Variants in GLYAT observed in about 807,000 individuals in gnomAD.
GLYAT encodes glycine-N-acyltransferase.
Under a neutral mutation model 22.8 loss-of-function variants are expected in GLYAT, and 25 were observed. That is an observed-to-expected ratio of 1.09 (90% CI 0.80 to 1.53). The LOEUF (loss-of-function observed/expected upper bound fraction) is 1.53, where lower values mean the gene tolerates loss of function less well. Ranked by LOEUF, GLYAT falls within the 40% of genes most tolerant of loss-of-function variation. The pLI is 0.00. For missense variants in GLYAT, 411 were observed against 353.9 expected (o/e 1.16, Z -1.29); for synonymous variants, 140 against 122.7 (o/e 1.14, Z -0.93).
At chr11:58,724,824 G>A (rs889009660) in intron 1 of GLYAT, among the ~76,000 whole-genome samples, 6 of 152,180 alleles carry the variant, frequency 3.9e-5, no homozygotes, top group East Asian at 1.9e-4. Flanking sequence ...TGACTCCTCT[G>A]AGAACGAGCT....
At position 58,724,415 on chromosome 11, in the gene GLYAT, C is replaced by T. The variant is rs1275470019; in HGVS notation, c.81+1G>A. The T allele has an allele frequency of 3.2e-6, 5 of 1,569,890 alleles. No individual in the cohort carries two copies. In the African/African-American group the frequency reaches 5.4e-5, roughly 17 times the overall value. ...CTCCTCTCAGAATTTTCCATTATCA[C>T]CTTTAAGGATGCTGGGAGGCTCTTC... On this transcript the variant is annotated splice_donor_variant, in intron 2 of 5. Coordinates refer to ENST00000344743, the MANE Select transcript of GLYAT (RefSeq NM_201648.3). LOFTEE classifies it high-confidence loss of function.
Position 58,710,062 on chromosome 11 carries a change from G to A in GLYAT, c.595C>T (p.Arg199Cys), listed in dbSNP as rs138125182. The A allele has an allele frequency of 4.2e-4, 672 of 1,613,916 alleles. 2 individuals carry two copies. Among genetic ancestry groups the A allele is most frequent in the Middle Eastern group, 9.9e-4 (6 of 6,058 alleles). The change falls in exon 6 of 6, where the codon CGC (arginine) becomes TGC (cysteine). Residue 199 changes from arginine (R) to cysteine (C), a missense_variant. Arg to Cys is a radical substitution (Grantham distance 180). Coordinates refer to ENST00000344743, the MANE Select transcript of GLYAT (RefSeq NM_201648.3). ...CAGGTGGGAAAGGTCTGAATGCAGC[G>A]CTCAATGAATCTCTGGCTCCTCTCA... Reference protein sequence around the residue: ...GNERSQRFIERCIQTFPTCCL... With the variant: ...GNERSQRFIECCIQTFPTCCL...
At chr11:58,710,835 G>C in intron 4 of GLYAT, 74 bp from the exon 5 acceptor site, 1 of 889,998 alleles carries the variant, frequency 1.1e-6, no homozygotes, top group Non-Finnish European at 1.9e-6. Flanking sequence ...GGAGTAAGAA[G>C]TGTCTGGGAT....
intron 3 of GLYAT, among the ~76,000 whole-genome samples, chr11:58,713,725 A>T (rs959395951): frequency 1.4e-4 from 21 of 151,402 alleles, no homozygotes; most frequent in Middle Eastern, 3.4e-3. Flanking sequence ...TTATAGAATT[A>T]AAAAACTTTT....
In GLYAT at chr11:58,709,898, T is replaced by A. The variant is rs1856589114; in HGVS notation, c.759A>T (p.Lys253Asn). 6.8e-6 allele frequency: 11 copies of A among 1,614,162 alleles called. No homozygotes were observed. Among genetic ancestry groups the A allele is most frequent in the Non-Finnish European group, 9.3e-6 (11 of 1,179,998 alleles). Residue 253 changes from lysine (K) to asparagine (N), a missense_variant, in exon 6 of 6, where the codon AAA becomes AAT. Coordinates refer to ENST00000344743, the MANE Select transcript of GLYAT (RefSeq NM_201648.3). ...AGACAGGAAACCCAAGTTTGCCCAA[T>A]TTCTGGGCGTGGGAATAGATGACAT... is the stretch of plus-strand genomic sequence containing the variant. ...VTYVIYSHAQ[K>N]LGKLGFPVYS...
chr11:58,721,147 C>A (rs1023812787), intron 2 of GLYAT, among the ~76,000 whole-genome samples: 2 of 151,620 alleles, frequency 1.3e-5, no homozygotes, highest in Non-Finnish European at 2.9e-5. Context: ...TAAAGATCAC[C>A]CCACTTTTTT....
intron 2 of GLYAT, among the ~76,000 whole-genome samples, chr11:58,716,056 T>G (rs1856675768): frequency 6.6e-6 from 1 of 152,180 alleles, no homozygotes; most frequent in Non-Finnish European, 1.5e-5. Context: ...TATAGCCTAT[T>G]GCTCAAGAGA....
At chr11:58,713,519 G>A (rs1856642018) in intron 3 of GLYAT, among the ~76,000 whole-genome samples, 2 of 152,104 alleles carry the variant, frequency 1.3e-5, no homozygotes, top group Non-Finnish European at 2.9e-5. Context: ...GACCATGGCA[G>A]TATGAAACTT....
rs539721170 is a variant in GLYAT, at chr11:58,728,397, C to T, written c.-16+3438G>A. Among the ~76,000 whole-genome samples, 3 of 152,092 alleles carry T rather than the reference C, an allele frequency of 2.0e-5. No homozygotes were observed. The East Asian group carries it at 5.8e-4, about 30-fold the overall frequency. On this transcript the variant is annotated intron_variant, in intron 1 of 5. Transcript: ENST00000344743. ...AAAAACTTTCACTGTGGCTCTAAAA[C>T]TTGCCTTGGTCTGTCCTTCCACCTT...
intron 4 of GLYAT, among the ~76,000 whole-genome samples, chr11:58,712,071 C>T (rs950401684): frequency 6.6e-6 from 1 of 152,206 alleles, no homozygotes; most frequent in African/African-American, 2.4e-5. Flanking sequence ...TCAACTACAG[C>T]TACATGAGTA....
intron 3 of GLYAT, among the ~76,000 whole-genome samples, chr11:58,714,591 G>A (rs1253053836): frequency 6.6e-6 from 1 of 152,136 alleles, no homozygotes; most frequent in Non-Finnish European, 1.5e-5. Flanking sequence ...TAATGAGAGG[G>A]ACCAGATGGA....
At position 58,710,712 on chromosome 11, in the gene GLYAT, C is replaced by A; in HGVS notation, c.366G>T (p.Lys122Asn). ...NEAIQNLAAIKSFKVKQTQRI... is the reference protein window; with the variant it reads ...NEAIQNLAAINSFKVKQTQRI... ...GTTGTGTTTGTTTGACTTTGAAGGA[C>A]TTAATGGCTGCAAGATTTTGTATAG... Residue 122 changes from lysine (K) to asparagine (N), a missense_variant, in exon 5 of 6, where the codon AAG (lysine) becomes AAT (asparagine). By Grantham distance (94) the Lys-to-Asn change is moderately conservative. Coordinates refer to ENST00000344743, the MANE Select transcript of GLYAT (RefSeq NM_201648.3). The A allele has an allele frequency of 6.2e-7, 1 of 1,613,472 alleles. No homozygotes were observed. Among genetic ancestry groups the A allele is most frequent in the Non-Finnish European group, 8.5e-7 (1 of 1,179,476 alleles).
At chr11:58,724,307 T>C (rs1856787811) in intron 2 of GLYAT, 109 bp downstream of exon 2, 2 of 575,790 alleles carry the variant, frequency 3.5e-6, no homozygotes, top group African/African-American at 1.9e-5. Context: ...AGAGAAAACA[T>C]GAAATAGTGC....
At chr11:58,728,947 A>C (rs747617838) in intron 1 of GLYAT, among the ~76,000 whole-genome samples, 1 of 150,206 alleles carries the variant, frequency 6.7e-6, no homozygotes, top group Non-Finnish European at 1.5e-5. Context: ...GGAAGGAAGG[A>C]GAGAATAAAA....
chr11:58,717,134 G>T (rs1856690807), intron 2 of GLYAT, among the ~76,000 whole-genome samples: 2 of 150,456 alleles, frequency 1.3e-5, no homozygotes, highest in East Asian at 2.0e-4. Flanking sequence ...GGGGGCCCAA[G>T]ATATTTTCCT....
chr11:58,710,615 G>T lies in GLYAT; in HGVS notation c.463C>A (p.Pro155Thr). The change falls in exon 5 of 6, where the codon CCC becomes ACC. Residue 155 changes from proline to threonine, a missense_variant. Coordinates refer to ENST00000344743, the MANE Select transcript of GLYAT (RefSeq NM_201648.3). ...PFLLKSKILS[P>T]NGGKPKAINQ... ...ATGGCCTTGGGTTTGCCACCATTGG[G>T]AGATAAAATCTTTGATTTCAGCAGG... 6 of 1,604,542 alleles carry T rather than the reference G, an allele frequency of 3.7e-6. No homozygotes were observed. Among genetic ancestry groups the T allele is most frequent in the Non-Finnish European group, 4.3e-6 (5 of 1,171,172 alleles).
Position 58,711,353 on chromosome 11 carries a change from C to T in GLYAT, c.317-592G>A, listed in dbSNP as rs143208871. Among the ~76,000 whole-genome samples the T allele has an allele frequency of 1.8e-3, 268 of 152,300 alleles. 4 individuals carry two copies. The highest frequency in any genetic ancestry group is 0.014 in the South Asian group (68 of 4,826). The stretch of plus-strand genomic sequence containing the variant: ...CATGTCAGGTTATACATAACCCTGT[C>T]TCCTCTGTTCAGTTCTCATGGCAAA... On this transcript the variant is annotated intron_variant, in intron 4 of 5. Transcript: ENST00000344743.
Position 58,710,147 on chromosome 11 carries a change from G to A in GLYAT, c.510C>T (p.Leu170=), listed in dbSNP as rs1856595339. 1 of 1,613,224 alleles carries A rather than the reference G, an allele frequency of 6.2e-7. No individual in the cohort carries two copies. Among genetic ancestry groups the A allele is most frequent in the African/African-American group, 1.3e-5 (1 of 75,048 alleles). The change falls in exon 6 of 6, where the codon CTC becomes CTT. Residue 170 remains leucine (L), a synonymous_variant. Transcript: ENST00000344743. ...PKAINQEMFK[L]SSMDVTHAHL... ...GAGCATGGGTAACATCCATGGATGA[G>A]AGTTTAAACATCTCTTGGTTGCTAT...
intron 2 of GLYAT, among the ~76,000 whole-genome samples, chr11:58,717,692 T>C (rs543618365): frequency 6.6e-6 from 1 of 152,210 alleles, no homozygotes; most frequent in East Asian, 1.9e-4. Flanking sequence ...ACAACAGGTG[T>C]ACTATAGTCT....
Sources: gnomAD v4.1 joint callset for allele counts (sites outside exome capture counted in the v4.1 genomes callset) on GRCh38, gnomAD v4.1.1 for gene constraint, MANE v1.5 for transcripts, NCBI Gene and HGNC (gene_info 2026-07-23, HGNC 2026-07-21) for gene names.